ZNF177: variants seen among roughly 807,000 people sequenced by gnomAD.
ZNF177 encodes zinc finger protein 177.
ZNF177 carries 17 observed loss-of-function variants against 19.4 expected under a neutral mutation model. The ratio of observed to expected loss-of-function variants is 0.87; its 90% CI spans 0.60 to 1.31. ZNF177 has a LOEUF of 1.31. Ranked by LOEUF, ZNF177 falls within the 40% of genes most tolerant of loss-of-function variation. The probability of loss-of-function intolerance (pLI) is 0.00; values close to 1 mark genes in which losing one functional copy is unlikely to be tolerated. For missense variants in ZNF177, 633 were observed against 561.8 expected (o/e 1.13, Z -1.28); for synonymous variants, 220 against 188.7 (o/e 1.17, Z -1.36).
upstream of ZNF177, among the ~76,000 whole-genome samples, chr19:9,373,630 T>C (rs548325367): frequency 1.3e-5 from 2 of 152,296 alleles, no homozygotes; most frequent in Non-Finnish European, 2.9e-5. Context: ...TTTGATAATA[T>C]CTATTATAAC....
At chr19:9,378,121 T>C (rs1425396729) in intron 1 of ZNF177, 138 bp from the exon 4 acceptor site, 2 of 675,622 alleles carry the variant, frequency 3.0e-6, no homozygotes, top group Non-Finnish European at 4.6e-6. Flanking sequence ...GGATATACTG[T>C]GTTCTTGGAT....
chr19:9,381,458 C>T (rs2068200393), exon 6 of ZNF177: 1 of 1,611,464 alleles, frequency 6.2e-7, no homozygotes, highest in Admixed American at 1.7e-5. Flanking sequence ...TGTGGAAAAG[C>T]CTTCATCGAT....
At chr19:9,363,234 T>A (rs751360705) in intron 1 of ZNF177, 150 bp downstream of exon 1, 5 of 152,340 alleles carry the variant, frequency 3.3e-5, no homozygotes, top group Admixed American at 3.3e-4. Flanking sequence ...CGGCTTTGGT[T>A]CCTCCCGGCA....
At chr19:9,363,875 T>G (rs2067940942) in intron 1 of ZNF177, among the ~76,000 whole-genome samples, 1 of 152,192 alleles carries the variant, frequency 6.6e-6, no homozygotes, top group African/African-American at 2.4e-5. Flanking sequence ...TCCGAAACAT[T>G]AGAAGGAGCA....
At chr19:9,363,390 T>TC (rs1479200287) in intron 1 of ZNF177, 5 of 152,244 alleles carry the variant, frequency 3.3e-5, no homozygotes. Flanking sequence ...GACTATTTTT[T>TC]CTCAAGAAAA....
chr19:9,380,319 G>A (rs1306146542), intron 5 of ZNF177, among the ~76,000 whole-genome samples, 180 bp downstream of exon 7: 1 of 151,698 alleles, frequency 6.6e-6, no homozygotes, highest in East Asian at 1.9e-4. Flanking sequence ...GTAAACCTAG[G>A]TTAACACTTG....
At position 9,379,632 on chromosome 19, in the gene ZNF177, C is replaced by G; in HGVS notation, c.253+13C>G. The G allele has an allele frequency of 1.9e-6, 3 of 1,612,694 alleles. No individual in the cohort carries two copies. Among genetic ancestry groups the G allele is most frequent in the Non-Finnish European group, 2.5e-6 (3 of 1,179,448 alleles). The stretch of plus-strand genomic sequence containing the variant: ...GGTGACTGTGCAGGTGAGCCTTGGG[C>G]AGAACAGGGTGCAGCCTTGGCCAGT... On this transcript the variant is annotated intron_variant, in intron 4 of 5. Coordinates refer to ENST00000589262, the Ensembl canonical transcript of ZNF177.
exon 6 of ZNF177, chr19:9,381,464 T>C (rs1280093585): frequency 6.2e-6 from 10 of 1,611,358 alleles, no homozygotes; most frequent in African/African-American, 2.7e-5. Flanking sequence ...AAAGCCTTCA[T>C]CGATCAGTCA....
At chr19:9,369,704 AT>A (rs201324698) in intron 2 of ZNF177, among the ~76,000 whole-genome samples, 20 of 150,678 alleles carry the variant, frequency 1.3e-4, no homozygotes, top group East Asian at 5.8e-4. Context: ...TGGAATTGAG[AT>A]TTTTTTTTAA....
At chr19:9,368,311 A>G (rs1443840250) in intron 2 of ZNF177, among the ~76,000 whole-genome samples, 1 of 151,130 alleles carries the variant, frequency 6.6e-6, no homozygotes. Flanking sequence ...TTACTCAACC[A>G]TCACCAGCTA....
rs150664825 is a variant in ZNF177 at position 9,381,657 on chromosome 19, C to T, written c.1326C>T (p.His442=). The change falls in exon 6 of 6, where the codon CAC becomes CAT. Residue 442 remains histidine (H), a synonymous_variant. Coordinates refer to ENST00000589262, the Ensembl canonical transcript of ZNF177. Reference sequence around the variant, plus strand: ...GGAATTCCTCTTGCCTGAGGGTACACGTGAGAACTCACACTGGAGAGAAGC... The same window carrying T: ...GGAATTCCTCTTGCCTGAGGGTACATGTGAGAACTCACACTGGAGAGAAGC... 7.4e-5 allele frequency: 119 copies of T among 1,612,532 alleles called. No homozygotes were observed. The African/African-American group carries it at 1.3e-3, about 18-fold the overall frequency.
upstream of ZNF177, among the ~76,000 whole-genome samples, chr19:9,373,718 C>T (rs1289676187): frequency 6.6e-6 from 1 of 152,034 alleles, no homozygotes; most frequent in Admixed American, 6.5e-5. Flanking sequence ...TTTCATATAC[C>T]TACTGGCCAT....
chr19:9,370,944 G>A (rs1396265453), intron 2 of ZNF177, among the ~76,000 whole-genome samples: 1 of 152,142 alleles, frequency 6.6e-6, no homozygotes, highest in East Asian at 1.9e-4. Context: ...GCGCTGAGCT[G>A]TCCAATACAG....
At chr19:9,378,290 A>G (rs757388543) in exon 2 of ZNF177, 17 of 1,613,518 alleles carry the variant, frequency 1.1e-5, no homozygotes, top group Admixed American at 1.7e-5. Context: ...CCCAGCCAGG[A>G]AGGAAACCTA....
chr19:9,365,682 G>A (rs971337855), intron 2 of ZNF177, among the ~76,000 whole-genome samples: 17 of 152,110 alleles, frequency 1.1e-4, no homozygotes, highest in Admixed American at 9.2e-4. Flanking sequence ...CTGTCTTCCC[G>A]AGTCCATGAC....
chr19:9,375,442 C>G (rs547257879), upstream of ZNF177, among the ~76,000 whole-genome samples: 1 of 152,124 alleles, frequency 6.6e-6, no homozygotes, highest in Non-Finnish European at 1.5e-5. Flanking sequence ...TAGAATTCAA[C>G]GGTGAAGCCA....
At chr19:9,365,678 T>A (rs1568379827) in intron 2 of ZNF177, among the ~76,000 whole-genome samples, 1 of 152,008 alleles carries the variant, frequency 6.6e-6, no homozygotes, top group African/African-American at 2.4e-5. Context: ...AAGACTGTCT[T>A]CCCGAGTCCA....
At position 9,380,740 on chromosome 19, in the gene ZNF177, A is replaced by AT. The variant is rs748564989; in HGVS notation, c.412dup (p.Cys138LeufsTer12). ...GAAATTCAGAAAGAACACTCGCTTT[A>AT]TTTGTACAAGATATTGCAAGGGAGA... On this transcript the variant is annotated frameshift_variant, in exon 6 of 6. Transcript: ENST00000589262. LOFTEE classifies it low-confidence loss of function (END_TRUNC). 5.2e-6 allele frequency: 8 copies of AT among 1,536,032 alleles called. No homozygotes were observed. In the East Asian group the frequency reaches 9.8e-5, roughly 19 times the overall value.
At chr19:9,364,880 A>T (rs1486919276) in exon 2 of ZNF177, 1 of 152,352 alleles carries the variant, frequency 6.6e-6, no homozygotes. Context: ...ATAAGTAAGC[A>T]AGAAGAGGGC....
Sources: gnomAD v4.1 joint callset for allele counts (sites outside exome capture counted in the v4.1 genomes callset) on GRCh38, gnomAD v4.1.1 for gene constraint, MANE v1.5 for transcripts, NCBI Gene and HGNC (gene_info 2026-07-23, HGNC 2026-07-21) for gene names.